The following RBFOX1 variants were observed in gnomAD, a reference collection of about 807,000 sequenced individuals.
RBFOX1 encodes RNA binding protein fox-1 homolog 1.
RBFOX1 carries 8 observed loss-of-function variants against 57.7 expected under a neutral mutation model. The observed-to-expected ratio is 0.14, with a 90% confidence interval of 0.08 to 0.25. The LOEUF is 0.25. Among genes scored for constraint, RBFOX1 ranks in the 10% least tolerant of loss-of-function variants. The pLI is 1.00. For missense variants in RBFOX1, 611 were observed against 548.5 expected, an observed-to-expected ratio of 1.11 and a Z score of -1.14; for synonymous variants, 326 against 222.4, an observed-to-expected ratio of 1.47 and a Z score of -4.15.
At chr16:7,703,358 G>C (rs907298007) in intron 14 of RBFOX1, among the ~76,000 whole-genome samples, 1 of 152,110 alleles carries the variant, frequency 6.6e-6, no homozygotes. Context: ...CTGCCATTTG[G>C]CTGTTTAGGA....
At chr16:6,613,857 G>C (rs964044437) in intron 2 of RBFOX1, among the ~76,000 whole-genome samples, 1 of 152,168 alleles carries the variant, frequency 6.6e-6, no homozygotes. Context: ...AGAATCACTT[G>C]AATCTGGGAG....
At chr16:7,000,070 A>C (rs1187502818) in intron 3 of RBFOX1, among the ~76,000 whole-genome samples, 1 of 85,720 alleles carries the variant, frequency 1.2e-5, no homozygotes, top group African/African-American at 3.9e-5. Flanking sequence ...ACTCTGTTTC[A>C]AAGAAAAAAA....
chr16:5,945,025 C>G (rs897154643), intron 4 of RBFOX1, among the ~76,000 whole-genome samples: 2 of 143,124 alleles, frequency 1.4e-5, no homozygotes, highest in East Asian at 4.5e-4. Flanking sequence ...GAAAACCATT[C>G]TCACCTCCCT....
chr16:7,101,859 G>A (rs756201028), intron 4 of RBFOX1, among the ~76,000 whole-genome samples: 1 of 152,088 alleles, frequency 6.6e-6, no homozygotes, highest in Non-Finnish European at 1.5e-5. Context: ...TGCATCCCAG[G>A]TCCAGGGATT....
chr16:7,070,210 C>T (rs1023713025), intron 4 of RBFOX1, among the ~76,000 whole-genome samples: 4 of 152,178 alleles, frequency 2.6e-5, no homozygotes, highest in Non-Finnish European at 4.4e-5. Flanking sequence ...GTTTTGATGG[C>T]ACAGTGTCTT....
intron 4 of RBFOX1, among the ~76,000 whole-genome samples, chr16:7,363,089 C>A (rs753755711): frequency 4.6e-5 from 7 of 152,128 alleles, no homozygotes; most frequent in Non-Finnish European, 1.0e-4. Context: ...ATGGGATGCG[C>A]TGATGGTGGT....
At chr16:7,008,581 A>G (rs993750993) in intron 3 of RBFOX1, among the ~76,000 whole-genome samples, 7 of 151,648 alleles carry the variant, frequency 4.6e-5, no homozygotes, top group Non-Finnish European at 1.0e-4. Flanking sequence ...AAATAATTCA[A>G]GAAATTCAAG....
rs911723996 is a variant in RBFOX1, at chr16:5,497,622, CAAA to C, written c.258+30382_258+30384del. Among the ~76,000 whole-genome samples the C allele has an allele frequency of 3.9e-3, 206 of 53,410 alleles. 4 individuals carry two copies. The highest frequency in any genetic ancestry group is 0.022 in the African/African-American group (199 of 9,022). The allele number at this position is 53,410 out of a possible 152,430, so 35.0% of individuals were successfully genotyped here. Reference sequence around the variant, plus strand: ...TGAAACCCTATCTCTACTAAAAATACAAAAAAAAAAAAAAAAGCTGGGCATGGT... The same window carrying C: ...TGAAACCCTATCTCTACTAAAAATACAAAAAAAAAAAAAGCTGGGCATGGT... On this transcript the variant is annotated intron_variant, in intron 2 of 2. Transcript: ENST00000585867.
chr16:7,001,398 T>TGTATGTGTATTTGTATA (rs2092782327), intron 3 of RBFOX1, among the ~76,000 whole-genome samples: 60 of 100,922 alleles, frequency 5.9e-4, no homozygotes, highest in African/African-American at 1.7e-3. Context: ...GTATGTGTAT[T>TGTATGTGTATTTGTATA]TGTATATGTA....
chr16:5,560,566 C>G (rs953645554), intron 2 of RBFOX1, among the ~76,000 whole-genome samples: 3 of 152,250 alleles, frequency 2.0e-5, no homozygotes, highest in African/African-American at 4.8e-5. Flanking sequence ...CTGTGCATCA[C>G]TGTACAAGGT....
rs370950138 is a variant in RBFOX1 at position 6,526,687 on chromosome 16, G to A, written c.-63-127916G>A. On this transcript the variant is annotated intron_variant, in intron 2 of 15. Transcript: ENST00000550418. ...CTACTAAAAATACAAAAAATTAGCC[G>A]GGCGTGGTGGTGGGCACCTGTAGTC... Among the ~76,000 whole-genome samples, 45 of 151,444 alleles carry A rather than the reference G, an allele frequency of 3.0e-4. 1 individual carries two copies. The highest frequency in any genetic ancestry group is 6.8e-4 in the African/African-American group (28 of 41,328).
chr16:7,220,338 G>A (rs1013747222), intron 4 of RBFOX1, among the ~76,000 whole-genome samples: 4 of 152,158 alleles, frequency 2.6e-5, no homozygotes, highest in African/African-American at 9.7e-5. Context: ...TAAACTTGGT[G>A]TCATTCATGC....
At chr16:7,095,736 T>C (rs2061581519) in intron 4 of RBFOX1, among the ~76,000 whole-genome samples, 1 of 152,022 alleles carries the variant, frequency 6.6e-6, no homozygotes, top group Non-Finnish European at 1.5e-5. Context: ...GTTAAGAAAA[T>C]ATGGAGCTGG....
intron 1 of RBFOX1, among the ~76,000 whole-genome samples, chr16:6,189,351 G>A (rs1163458088): frequency 6.6e-6 from 1 of 152,212 alleles, no homozygotes; most frequent in Non-Finnish European, 1.5e-5. Context: ...CAAGAGTCTA[G>A]TGCGCGCTGG....
chr16:6,663,246 C>T (rs1410824035), intron 3 of RBFOX1, among the ~76,000 whole-genome samples: 3 of 152,150 alleles, frequency 2.0e-5, no homozygotes, highest in South Asian at 4.1e-4. Context: ...TCATGAATGT[C>T]TCCACCCAGG....
intron 3 of RBFOX1, among the ~76,000 whole-genome samples, chr16:5,720,928 T>A (rs1432178250): frequency 6.6e-6 from 1 of 152,216 alleles, no homozygotes; most frequent in African/African-American, 2.4e-5. Context: ...CTTGTATTTC[T>A]CAGTGAATTT....
chr16:5,449,211 C>A (rs940890965), intron 1 of RBFOX1, among the ~76,000 whole-genome samples: 10 of 152,110 alleles, frequency 6.6e-5, no homozygotes, highest in Non-Finnish European at 1.3e-4. Flanking sequence ...CCCTGCAGTC[C>A]TGTGCAGCTT....
intron 2 of RBFOX1, among the ~76,000 whole-genome samples, chr16:6,546,014 G>C: frequency 6.6e-6 from 1 of 152,044 alleles, no homozygotes; most frequent in East Asian, 1.9e-4. Flanking sequence ...AATTGTCTTG[G>C]GCTCTAAATA....
chr16:6,231,571 C>T (rs1598607669), intron 1 of RBFOX1, among the ~76,000 whole-genome samples: 1 of 152,166 alleles, frequency 6.6e-6, no homozygotes, highest in East Asian at 1.9e-4. Flanking sequence ...TCTGCCTGTC[C>T]AGAATTTAGT....
Sources: gnomAD v4.1 joint callset for allele counts (sites outside exome capture counted in the v4.1 genomes callset) on GRCh38, gnomAD v4.1.1 for gene constraint, MANE v1.5 for transcripts, NCBI Gene and HGNC (gene_info 2026-07-23, HGNC 2026-07-21) for gene names.